Variants in SNX16 observed in about 807,000 individuals in gnomAD.
The protein encoded by SNX16 is sorting nexin 16.
In SNX16, 35 loss-of-function variants were observed where a neutral mutation model predicts 36.7. The observed-to-expected ratio is 0.95, with a 90% CI of 0.73 to 1.27. The LOEUF (loss-of-function observed/expected upper bound fraction) is 1.27, where lower values mean the gene tolerates loss of function less well. SNX16 is among the 50% of genes most tolerant of loss of function. SNX16 has a pLI of 0.00. For missense variants in SNX16, 367 were observed against 393.6 expected (o/e 0.93, Z 0.57); for synonymous variants, 134 against 132.0 (o/e 1.02, Z -0.10).
intron 2 of SNX16, 48 bp from the exon 3 acceptor site, chr8:81,829,564 GATATTTAAAAACTCAAGCCAA>G: frequency 2.4e-6 from 2 of 844,940 alleles, no homozygotes; most frequent in Non-Finnish European, 3.4e-6. Flanking sequence ...TAAAAGTAAA[GATATTTAAAAACTCAAGCCAA>G]ATATTTTAAA....
At chr8:81,840,670 T>G (rs1445868561) in intron 1 of SNX16, among the ~76,000 whole-genome samples, 1 of 126,302 alleles carries the variant, frequency 7.9e-6, no homozygotes, top group Non-Finnish European at 1.7e-5. Flanking sequence ...GTTACTCAAA[T>G]AAAACCCAGT....
Position 81,801,489 on chromosome 8 carries a change from G to A in SNX16, c.*8C>T, listed in dbSNP as rs763699806. The A allele has an allele frequency of 6.5e-7, 1 of 1,536,612 alleles. No homozygotes were observed. The highest frequency in any genetic ancestry group is 1.2e-5 in the South Asian group (1 of 85,762). On this transcript the variant is annotated 3_prime_UTR_variant, in exon 8 of 8. Transcript: ENST00000345957. ...ATAGTCTAAATGGAGGGAACTGCTTGTGATACATTAGTCTTCTTCAGCATC... is the reference window on the plus strand; with the variant it reads ...ATAGTCTAAATGGAGGGAACTGCTTATGATACATTAGTCTTCTTCAGCATC...
intron 5 of SNX16, among the ~76,000 whole-genome samples, chr8:81,812,727 C>T (rs774473): frequency 0.25 from 37,352 of 151,826 alleles, 5,174 homozygotes; most frequent in East Asian, 0.37. Flanking sequence ...ATAGTAAACA[C>T]GTGGATTAAA....
chr8:81,801,430 T>G lies in SNX16; in HGVS notation c.*67A>C. On this transcript the variant is annotated 3_prime_UTR_variant, in exon 8 of 8. Coordinates refer to ENST00000345957, the MANE Select transcript of SNX16 (RefSeq NM_152836.3). The stretch of plus-strand genomic sequence containing the variant: ...GTTTTACAGTTCTTGGTTCTTCTTT[T>G]AAAATAGTATTTGCCACTCTTCTAA... 1 of 881,906 alleles carries G rather than the reference T, an allele frequency of 1.1e-6. No homozygotes were observed. Among genetic ancestry groups the G allele is most frequent in the South Asian group, 1.8e-5 (1 of 55,770 alleles). The allele number at this position is 881,906 out of a possible 1,614,324, so 54.6% of individuals were successfully genotyped here. A position where few individuals can be genotyped will look rare whatever the true frequency, so the allele number is the denominator to read the frequency against.
chr8:81,821,316 T>C (rs1747396782), intron 4 of SNX16, among the ~76,000 whole-genome samples: 1 of 151,984 alleles, frequency 6.6e-6, no homozygotes, highest in Non-Finnish European at 1.5e-5. Context: ...TAATCTCTAC[T>C]TTAGCAACTA....
chr8:81,811,182 T>C (rs905221986), intron 5 of SNX16, among the ~76,000 whole-genome samples: 1 of 152,182 alleles, frequency 6.6e-6, no homozygotes, highest in African/African-American at 2.4e-5. Context: ...TCTAAACAGA[T>C]TCTAAATCAA....
intron 3 of SNX16, among the ~76,000 whole-genome samples, chr8:81,825,121 A>T (rs1190142648): frequency 6.6e-6 from 1 of 152,176 alleles, no homozygotes; most frequent in African/African-American, 2.4e-5. Flanking sequence ...CTCACACAGC[A>T]TTATTTCCAC....
At chr8:81,828,574 A>G (rs1454979032) in intron 3 of SNX16, among the ~76,000 whole-genome samples, 1 of 152,180 alleles carries the variant, frequency 6.6e-6, no homozygotes. Context: ...ATGGTCCATG[A>G]TCTTTGCCTC....
chr8:81,834,877 G>A (rs1195384538), intron 2 of SNX16, among the ~76,000 whole-genome samples: 1 of 152,174 alleles, frequency 6.6e-6, no homozygotes, highest in Non-Finnish European at 1.5e-5. Context: ...TACCTTTCTA[G>A]GACCTGGAGG....
chr8:81,806,102 T>C (rs144243948), intron 5 of SNX16, among the ~76,000 whole-genome samples: 5 of 152,120 alleles, frequency 3.3e-5, no homozygotes, highest in Non-Finnish European at 7.4e-5. Flanking sequence ...CAAATCCAGA[T>C]TGTTTTACAG....
rs11989751 is a variant in SNX16, at chr8:81,825,624, G to C, written c.463-1684C>G. The stretch of plus-strand genomic sequence containing the variant: ...TAGCATAGTGCCTGCTACATAACAA[G>C]CAGTCAACAATATATGTTCAATAAA... On this transcript the variant is annotated intron_variant, in intron 3 of 7. Coordinates refer to ENST00000345957, the MANE Select transcript of SNX16 (RefSeq NM_152836.3). 3.0e-3 allele frequency among the ~76,000 whole-genome samples: 449 copies of C among 152,188 alleles called. 2 individuals carry two copies. Among genetic ancestry groups the C allele is most frequent in the African/African-American group, 0.01 (434 of 41,534 alleles).
chr8:81,833,645 T>C (rs551473005), intron 2 of SNX16, among the ~76,000 whole-genome samples: 1 of 152,206 alleles, frequency 6.6e-6, no homozygotes, highest in Non-Finnish European at 1.5e-5. Flanking sequence ...AAATAATACA[T>C]ACTGACTTTA....
intron 4 of SNX16, among the ~76,000 whole-genome samples, chr8:81,823,048 A>C (rs1366947968): frequency 6.7e-6 from 1 of 150,104 alleles, no homozygotes. Flanking sequence ...GATACATGCA[A>C]AGGTTGAGAA....
chr8:81,805,618 A>C (rs894405282), intron 5 of SNX16, among the ~76,000 whole-genome samples: 6 of 152,210 alleles, frequency 3.9e-5, no homozygotes, highest in Non-Finnish European at 5.9e-5. Context: ...TTCAAAAGTC[A>C]TGTGATACTA....
At chr8:81,801,870 C>A (rs956343630) in intron 7 of SNX16, among the ~76,000 whole-genome samples, 1 of 151,654 alleles carries the variant, frequency 6.6e-6, no homozygotes. Flanking sequence ...CCTTTATCAA[C>A]ATAAAATTTT....
At chr8:81,828,890 T>G (rs1339119687) in intron 3 of SNX16, among the ~76,000 whole-genome samples, 1 of 152,128 alleles carries the variant, frequency 6.6e-6, no homozygotes, top group Non-Finnish European at 1.5e-5. Context: ...AACAGAAAAT[T>G]TGGCCCTACA....
intron 3 of SNX16, among the ~76,000 whole-genome samples, chr8:81,827,792 G>A (rs190344258): frequency 2.7e-4 from 41 of 152,204 alleles, no homozygotes; most frequent in African/African-American, 9.9e-4. Context: ...GCTTCAAGGA[G>A]TCCAAAGAAG....
chr8:81,826,866 A>G (rs1157071696), intron 3 of SNX16, among the ~76,000 whole-genome samples: 1 of 152,204 alleles, frequency 6.6e-6, no homozygotes, highest in African/African-American at 2.4e-5. Context: ...ACATCTATAT[A>G]GTTTCTACAT....
chr8:81,828,185 T>G (rs911584823), intron 3 of SNX16, among the ~76,000 whole-genome samples: 1 of 152,154 alleles, frequency 6.6e-6, no homozygotes, highest in African/African-American at 2.4e-5. Context: ...TAAGTGCCCT[T>G]AAAGCTAAAT....
Sources: gnomAD v4.1 joint callset for allele counts (sites outside exome capture counted in the v4.1 genomes callset) on GRCh38, gnomAD v4.1.1 for gene constraint, MANE v1.5 for transcripts, NCBI Gene and HGNC (gene_info 2026-07-23, HGNC 2026-07-21) for gene names.